DST: variants seen among roughly 807,000 people sequenced by gnomAD.
The protein encoded by DST is bullous pemphigoid antigen.
In DST, 253 loss-of-function variants were observed where a neutral mutation model predicts 875.2. That is an observed-to-expected ratio of 0.29 (90% CI 0.26 to 0.32). The LOEUF (loss-of-function observed/expected upper bound fraction) is 0.32, where lower values mean the gene tolerates loss of function less well. Ranked by LOEUF, DST falls within the 10% of genes least tolerant of loss-of-function variation. The pLI, the probability that DST is intolerant of heterozygous loss-of-function variation, is 1.00. For synonymous variants in DST, 3,124 were observed against 3,197.1 expected, an observed-to-expected ratio of 0.98 and a Z score of 0.77; for missense variants, 8,287 against 9,111.6, an observed-to-expected ratio of 0.91 and a Z score of 3.68.
chr6:56,501,297 A>C, intron 79 of DST, 62 bp from the exon 80 acceptor site: 3 of 1,483,642 alleles, frequency 2.0e-6, no homozygotes, highest in Non-Finnish European at 2.7e-6. Flanking sequence ...ACATGTCTAT[A>C]AAACAAGGAC....
At chr6:56,618,432 G>T in intron 36 of DST, 1 of 1,614,014 alleles carries the variant, frequency 6.2e-7, no homozygotes, top group South Asian at 1.1e-5. Context: ...CTCTTTTTTT[G>T]AATTTCACAC....
In DST at chr6:56,460,179, T is replaced by C. The variant is rs764063449; in HGVS notation, c.23146A>G (p.Ser7716Gly). The change falls in exon 103 of 104, where the codon AGT (serine) becomes GGT (glycine). Residue 7716 changes from serine (S) to glycine (G), a missense_variant. Physicochemically the swap from Ser to Gly is moderately conservative, Grantham distance 56. Transcript: ENST00000680361. ...SGKGFHSGED[S>G]GLITTAAARV... ...GCAGCTGCAGTTGTTATCAAGCCACTGTCCTCCCCAGAGTGGAAGCCTTTC... is the reference window on the plus strand; with the variant it reads ...GCAGCTGCAGTTGTTATCAAGCCACCGTCCTCCCCAGAGTGGAAGCCTTTC... 4.1e-5 allele frequency: 66 copies of C among 1,613,836 alleles called. No homozygotes were observed. The highest frequency in any genetic ancestry group is 6.7e-5 in the African/African-American group (5 of 74,942).
At chr6:56,595,315 A>G (rs2098353829) in intron 47 of DST, among the ~76,000 whole-genome samples, 1 of 151,852 alleles carries the variant, frequency 6.6e-6, no homozygotes, top group African/African-American at 2.4e-5. Flanking sequence ...AATTGCACCC[A>G]TCTCCATTGA....
chr6:56,647,564 G>A (rs574450728), intron 13 of DST, among the ~76,000 whole-genome samples: 94 of 152,174 alleles, frequency 6.2e-4, no homozygotes, highest in Admixed American at 2.7e-3. Context: ...AGGCTTTGTC[G>A]GCAATATTCG....
chr6:56,506,358 C>G (rs1220974044), intron 77 of DST, 85 bp downstream of exon 77: 1 of 1,080,914 alleles, frequency 9.3e-7, no homozygotes, highest in Non-Finnish European at 1.3e-6. Context: ...ACTGGCAGAT[C>G]TTGAGGTGGT....
At position 56,632,056 on chromosome 6, in the gene DST, T is replaced by C; in HGVS notation, c.3806-16A>G. On this transcript the variant is annotated splice_polypyrimidine_tract_variant and intron_variant, in intron 28 of 103. Transcript: ENST00000680361. The stretch of plus-strand genomic sequence containing the variant: ...TCTTGCTCCTCTGTGAAAATAAATA[T>C]GTTTAGAAAATACCTTGTTTTCTAT... The C allele has an allele frequency of 6.2e-7, 1 of 1,601,374 alleles. No individual in the cohort carries two copies. Among genetic ancestry groups the C allele is most frequent in the Non-Finnish European group, 8.6e-7 (1 of 1,169,090 alleles).
At chr6:56,954,093 C>G (rs1224515621) in intron 1 of DST, among the ~76,000 whole-genome samples, 1 of 152,240 alleles carries the variant, frequency 6.6e-6, no homozygotes, top group African/African-American at 2.4e-5. Context: ...GCGAAGGATG[C>G]GTGAAGGCGA....
intron 92 of DST, among the ~76,000 whole-genome samples, chr6:56,475,165 T>A (rs1415409456): frequency 6.6e-6 from 1 of 152,054 alleles, no homozygotes; most frequent in Non-Finnish European, 1.5e-5. Flanking sequence ...GGGCTTATTA[T>A]TATTATTTAC....
At chr6:56,611,657 T>TA (rs1563182250) in intron 37 of DST, 61 bp from the exon 38 acceptor site, 178 of 1,225,572 alleles carry the variant, frequency 1.5e-4, no homozygotes, top group East Asian at 2.9e-4. Flanking sequence ...AGTATTTTTT[T>TA]TAAAAAAAAG....
intron 4 of DST, among the ~76,000 whole-genome samples, chr6:56,775,632 C>G (rs1303008409): frequency 6.6e-6 from 1 of 152,114 alleles, no homozygotes; most frequent in African/African-American, 2.4e-5. Context: ...AGATGAGCCT[C>G]AAGCACCTTG....
intron 88 of DST, among the ~76,000 whole-genome samples, chr6:56,483,279 G>A (rs184749038): frequency 2.4e-4 from 37 of 152,258 alleles, no homozygotes; most frequent in Admixed American, 9.8e-4. Flanking sequence ...ATGTCAAGTG[G>A]ATGCTGGCTT....
intron 3 of DST, among the ~76,000 whole-genome samples, chr6:56,893,564 T>TC (rs1788819262): frequency 3.5e-5 from 3 of 86,870 alleles, no homozygotes; most frequent in Non-Finnish European, 2.3e-5. Context: ...TTTTAGTTCT[T>TC]TTTTTTTTTT....
intron 4 of DST, among the ~76,000 whole-genome samples, chr6:56,836,744 G>C (rs896847554): frequency 6.6e-6 from 1 of 150,606 alleles, no homozygotes; most frequent in Non-Finnish European, 1.5e-5. Flanking sequence ...CCAGCTACTC[G>C]GGAGGCTGAG....
chr6:56,600,801 T>C (rs2098439263), intron 44 of DST, among the ~76,000 whole-genome samples: 1 of 152,080 alleles, frequency 6.6e-6, no homozygotes, highest in African/African-American at 2.4e-5. Context: ...CAACACTAAT[T>C]ACTTGCACCT....
intron 55 of DST, among the ~76,000 whole-genome samples, chr6:56,565,619 A>G (rs1463882691): frequency 6.6e-6 from 1 of 152,130 alleles, no homozygotes; most frequent in Non-Finnish European, 1.5e-5. Context: ...GCTCTCCTGT[A>G]TGAGATGTCT....
intron 8 of DST, 107 bp downstream of exon 8, chr6:56,701,781 G>T: frequency 1.5e-6 from 1 of 663,808 alleles, no homozygotes. Context: ...AAGCTTACTG[G>T]TTACAATTCA....
At chr6:56,744,393 TA>T (rs1345498190) in intron 4 of DST, among the ~76,000 whole-genome samples, 1 of 147,308 alleles carries the variant, frequency 6.8e-6, no homozygotes, top group East Asian at 1.9e-4. Flanking sequence ...AAAAAAAAGG[TA>T]AACATTAAGT....
chr6:56,846,995 C>T (rs1236965074), intron 4 of DST, among the ~76,000 whole-genome samples: 2 of 139,046 alleles, frequency 1.4e-5, no homozygotes, highest in Non-Finnish European at 3.1e-5. Context: ...AGAGGAAGAC[C>T]CTGTCTCAAA....
At chr6:56,654,661 G>C (rs6903815) in intron 10 of DST, among the ~76,000 whole-genome samples, 1 of 149,372 alleles carries the variant, frequency 6.7e-6, no homozygotes, top group South Asian at 2.1e-4. Context: ...TAGATAGATA[G>C]ATATATGGAT....
Sources: allele counts gnomAD v4.1 joint callset (sites outside exome capture counted in the v4.1 genomes callset), GRCh38; gene constraint gnomAD v4.1.1; transcripts MANE v1.5; gene names NCBI Gene and HGNC (gene_info 2026-07-23, HGNC 2026-07-21).